The following TASP1 variants were observed in gnomAD, a reference collection of about 807,000 sequenced individuals.
The protein encoded by TASP1 is threonine aspartase 1.
Under a neutral mutation model 56.6 loss-of-function variants are expected in TASP1, and 16 were observed. That is an observed-to-expected ratio of 0.28 (90% CI 0.19 to 0.43). The LOEUF is 0.43. Among genes scored for constraint, TASP1 ranks in the 20% least tolerant of loss-of-function variants. TASP1 has a pLI of 1.00. For synonymous variants in TASP1, 179 were observed against 184.2 expected, an observed-to-expected ratio of 0.97 and a Z score of 0.23; for missense variants, 393 against 511.6, an observed-to-expected ratio of 0.77 and a Z score of 2.24.
chr20:13,301,575 G>A, the TASP1 span, among the ~76,000 whole-genome samples: 1 of 152,122 alleles, frequency 6.6e-6, no homozygotes, highest in East Asian at 1.9e-4. Context: ...GTCTAATCAC[G>A]GAATGAGAAG....
chr20:13,599,586 T>C (rs945286731), intron 4 of TASP1, among the ~76,000 whole-genome samples: 1 of 151,742 alleles, frequency 6.6e-6, no homozygotes, highest in Non-Finnish European at 1.5e-5. Context: ...AAATGACGAG[T>C]TGATGGGTGC....
At chr20:13,195,167 C>G in the TASP1 span, among the ~76,000 whole-genome samples, 1 of 152,172 alleles carries the variant, frequency 6.6e-6, no homozygotes, top group Non-Finnish European at 1.5e-5. Context: ...ACCACAATTA[C>G]TTTTGCACCA....
intron 10 of TASP1, among the ~76,000 whole-genome samples, chr20:13,527,953 G>C (rs1410578317): frequency 6.6e-6 from 1 of 152,058 alleles, no homozygotes; most frequent in Non-Finnish European, 1.5e-5. Flanking sequence ...CGGGTGCAGT[G>C]ACTTAAGCCT....
Position 13,415,976 on chromosome 20 carries a change from T to C in TASP1, c.1170+1472A>G, listed in dbSNP as rs1462593270. 2.6e-5 allele frequency among the ~76,000 whole-genome samples: 4 copies of C among 152,230 alleles called. No homozygotes were observed. In the East Asian group the frequency reaches 5.8e-4, roughly 22 times the overall value. ...CTTGTTTTATGTATGGGAACTGTTTTGTCACTGAGAAGAAATGAATCTGAA... is the reference window on the plus strand; with the variant it reads ...CTTGTTTTATGTATGGGAACTGTTTCGTCACTGAGAAGAAATGAATCTGAA... On this transcript the variant is annotated intron_variant, in intron 13 of 13. Coordinates refer to ENST00000337743, the MANE Select transcript of TASP1 (RefSeq NM_017714.3).
chr20:13,437,367 TA>T (rs550868337), intron 11 of TASP1, among the ~76,000 whole-genome samples: 49 of 152,276 alleles, frequency 3.2e-4, no homozygotes, highest in Middle Eastern at 6.8e-3. Context: ...CTCAAAATAA[TA>T]AGAGCTATCT....
At chr20:13,179,520 G>A in the TASP1 span, among the ~76,000 whole-genome samples, 2 of 151,420 alleles carry the variant, frequency 1.3e-5, no homozygotes, top group Admixed American at 1.3e-4. Context: ...ATCACTCTTG[G>A]ATTAATAATT....
At chr20:13,205,100 TC>T in the TASP1 span, among the ~76,000 whole-genome samples, 3 of 152,116 alleles carry the variant, frequency 2.0e-5, no homozygotes, top group East Asian at 5.8e-4. Context: ...GTCAAATTGC[TC>T]CTCTGCTTGG....
At chr20:13,152,904 C>T in the TASP1 span, among the ~76,000 whole-genome samples, 1 of 152,140 alleles carries the variant, frequency 6.6e-6, no homozygotes, top group African/African-American at 2.4e-5. Context: ...ACCCTATTTC[C>T]ATCTGAAGAG....
the TASP1 span, chr20:13,160,053 G>T: frequency 6.2e-7 from 1 of 1,613,694 alleles, no homozygotes; most frequent in East Asian, 2.2e-5. Context: ...GTGGTCGTGG[G>T]ATTTCCAGCC....
intron 4 of TASP1, among the ~76,000 whole-genome samples, 177 bp from the exon 5 acceptor site, chr20:13,587,547 TCA>T (rs2047352466): frequency 6.6e-6 from 1 of 151,688 alleles, no homozygotes; most frequent in Non-Finnish European, 1.5e-5. Context: ...AAAGTACAGA[TCA>T]ATATACTTTG....
At chr20:13,198,846 CTTT>C in the TASP1 span, among the ~76,000 whole-genome samples, 165 of 134,084 alleles carry the variant, frequency 1.2e-3, no homozygotes, top group Admixed American at 2.2e-3. Flanking sequence ...TTCTTTCTTT[CTTT>C]CTTTCTTTCC....
the TASP1 span, chr20:13,110,181 G>T: frequency 6.2e-7 from 1 of 1,613,422 alleles, no homozygotes; most frequent in African/African-American, 1.3e-5. Flanking sequence ...CGCAGAGCTT[G>T]GAAAAAGATT....
intron 8 of TASP1, among the ~76,000 whole-genome samples, chr20:13,539,436 G>C (rs568630833): frequency 6.6e-6 from 1 of 152,228 alleles, no homozygotes; most frequent in East Asian, 1.9e-4. Context: ...TGTAGTCTGA[G>C]CTACTCAGGA....
chr20:13,409,038 C>T (rs1274766067), intron 13 of TASP1, among the ~76,000 whole-genome samples: 1 of 151,920 alleles, frequency 6.6e-6, no homozygotes, highest in Non-Finnish European at 1.5e-5. Context: ...AAGATGATAG[C>T]TTAACTCATT....
At chr20:13,324,669 CA>C in the TASP1 span, among the ~76,000 whole-genome samples, 2 of 152,192 alleles carry the variant, frequency 1.3e-5, no homozygotes, top group Non-Finnish European at 2.9e-5. Flanking sequence ...ATGATGCCTA[CA>C]AAGTGTCTTC....
At chr20:13,598,552 A>T (rs541170781) in intron 4 of TASP1, among the ~76,000 whole-genome samples, 15 of 152,366 alleles carry the variant, frequency 9.8e-5, no homozygotes, top group African/African-American at 3.4e-4. Context: ...TTAAAGACTT[A>T]AATGTTAGAC....
At chr20:13,528,660 G>A (rs3761889) in intron 9 of TASP1, 149 bp from the exon 10 acceptor site, 6 of 520,014 alleles carry the variant, frequency 1.2e-5, no homozygotes, top group East Asian at 9.0e-5. Flanking sequence ...TAAGACATAC[G>A]CACACGATGC....
intron 11 of TASP1, among the ~76,000 whole-genome samples, chr20:13,467,943 G>A (rs560561690): frequency 6.6e-6 from 1 of 151,470 alleles, no homozygotes; most frequent in African/African-American, 2.4e-5. Context: ...TTGAACCCAG[G>A]AGGCGGAGGG....
At chr20:13,236,982 G>A in the TASP1 span, among the ~76,000 whole-genome samples, 1 of 152,156 alleles carries the variant, frequency 6.6e-6, no homozygotes, top group African/African-American at 2.4e-5. Context: ...TACCATTCTG[G>A]GATCTGGAGG....
Sources: gnomAD v4.1 joint callset for allele counts (sites outside exome capture counted in the v4.1 genomes callset) on GRCh38, gnomAD v4.1.1 for gene constraint, MANE v1.5 for transcripts, NCBI Gene and HGNC (gene_info 2026-07-23, HGNC 2026-07-21) for gene names.